Variants in HAPSTR1 observed in about 807,000 individuals in gnomAD.
HAPSTR1 encodes HUWE1 associated protein modifying stress responses, also known as HUWE1-associated protein modifying stress responses 1.
the HAPSTR1 span, among the ~76,000 whole-genome samples, chr16:9,095,601 G>C: frequency 6.6e-6 from 1 of 151,892 alleles, no homozygotes; most frequent in African/African-American, 2.4e-5. Flanking sequence ...AGTTCATTAG[G>C]TGTTTATCTC....
At chr16:9,091,784 A>C in the HAPSTR1 span, 2 of 370,570 alleles carry the variant, frequency 5.4e-6, no homozygotes, top group Non-Finnish European at 9.5e-6. Flanking sequence ...GAGGGGCGGC[A>C]GCGGTTATCT....
the HAPSTR1 span, among the ~76,000 whole-genome samples, chr16:9,093,635 G>A: frequency 6.6e-5 from 10 of 152,180 alleles, no homozygotes; most frequent in African/African-American, 2.4e-4. Flanking sequence ...TCCTATATTT[G>A]ATTATAAGTT....
chr16:9,092,053 G>T, the HAPSTR1 span: 1 of 1,522,968 alleles, frequency 6.6e-7, no homozygotes, highest in South Asian at 1.2e-5. Context: ...GGATGGAGGA[G>T]CGGAAGGAGG....
the HAPSTR1 span, among the ~76,000 whole-genome samples, chr16:9,100,263 G>A: frequency 6.6e-6 from 1 of 152,156 alleles, no homozygotes; most frequent in African/African-American, 2.4e-5. Context: ...TGTTACATAA[G>A]TGTCTTACAT....
the HAPSTR1 span, chr16:9,107,271 G>T: frequency 6.6e-6 from 1 of 152,250 alleles, no homozygotes; most frequent in Non-Finnish European, 1.5e-5. Context: ...ATTCGGTGCT[G>T]TCTCTGGAAA....
chr16:9,093,803 G>C, the HAPSTR1 span, among the ~76,000 whole-genome samples: 5 of 151,216 alleles, frequency 3.3e-5, no homozygotes, highest in Admixed American at 3.3e-4. Flanking sequence ...TTTAGATTTT[G>C]TGCCTTACTG....
chr16:9,100,566 C>T, the HAPSTR1 span, among the ~76,000 whole-genome samples: 1 of 151,862 alleles, frequency 6.6e-6, no homozygotes, highest in Non-Finnish European at 1.5e-5. Flanking sequence ...GAGAGTCTTA[C>T]TCTTTCGCCC....
At chr16:9,107,866 T>TA in the HAPSTR1 span, 1 of 151,454 alleles carries the variant, frequency 6.6e-6, no homozygotes, top group Non-Finnish European at 1.5e-5. Flanking sequence ...CTTGTCTTGG[T>TA]CCTTTTTTTT....
At chr16:9,114,572 G>A in the HAPSTR1 span, among the ~76,000 whole-genome samples, 1 of 152,162 alleles carries the variant, frequency 6.6e-6, no homozygotes. Context: ...ATTGCATGAT[G>A]TTGGTAGTCG....
At chr16:9,103,778 C>CT in the HAPSTR1 span, 1 of 154,662 alleles carries the variant, frequency 6.5e-6, no homozygotes, top group African/African-American at 2.4e-5. Context: ...GTCCCTTGCA[C>CT]TTTAAGAGGC....
chr16:9,098,872 A>G, the HAPSTR1 span, among the ~76,000 whole-genome samples: 1 of 152,190 alleles, frequency 6.6e-6, no homozygotes, highest in African/African-American at 2.4e-5. Flanking sequence ...CTGTCAATGA[A>G]CTTTGGACAC....
the HAPSTR1 span, among the ~76,000 whole-genome samples, chr16:9,092,654 A>AG: frequency 2.3e-4 from 29 of 127,764 alleles, no homozygotes; most frequent in Admixed American, 4.7e-4. Context: ...GGGGACTGCC[A>AG]GGGGGGGCGC....
At chr16:9,108,707 A>T in the HAPSTR1 span, 1 of 152,210 alleles carries the variant, frequency 6.6e-6, no homozygotes, top group Non-Finnish European at 1.5e-5. Flanking sequence ...GTGAATGACC[A>T]ACTGTATCCC....
At chr16:9,101,339 C>A in the HAPSTR1 span, among the ~76,000 whole-genome samples, 2 of 152,280 alleles carry the variant, frequency 1.3e-5, no homozygotes, top group Middle Eastern at 3.4e-3. Context: ...ATTATTGATT[C>A]ATGTTATACC....
At chr16:9,097,206 G>C in the HAPSTR1 span, among the ~76,000 whole-genome samples, 1 of 151,040 alleles carries the variant, frequency 6.6e-6, no homozygotes, top group Non-Finnish European at 1.5e-5. Flanking sequence ...TCCCATAATG[G>C]TGGGATTACA....
At chr16:9,109,341 G>A in the HAPSTR1 span, 2 of 152,158 alleles carry the variant, frequency 1.3e-5, no homozygotes, top group African/African-American at 4.8e-5. Context: ...GATGGCATGG[G>A]TCCTAGGGTG....
the HAPSTR1 span, among the ~76,000 whole-genome samples, chr16:9,095,741 G>A: frequency 6.6e-6 from 1 of 152,092 alleles, no homozygotes; most frequent in Non-Finnish European, 1.5e-5. Context: ...TGGCTAGAAG[G>A]ATTTGGAAGA....
chr16:9,108,520 A>G, the HAPSTR1 span: 2 of 152,084 alleles, frequency 1.3e-5, no homozygotes, highest in African/African-American at 2.4e-5. Context: ...ATGCTCTCAC[A>G]TTTTTAGATG....
At chr16:9,112,257 A>G in the HAPSTR1 span, 1 of 152,242 alleles carries the variant, frequency 6.6e-6, no homozygotes, top group African/African-American at 2.4e-5. Flanking sequence ...AACTTTGTGC[A>G]AAAGGAGTGC....
Sources: gnomAD v4.1 joint callset for allele counts (sites outside exome capture counted in the v4.1 genomes callset) on GRCh38, gnomAD v4.1.1 for gene constraint, MANE v1.5 for transcripts, NCBI Gene and HGNC (gene_info 2026-07-23, HGNC 2026-07-21) for gene names.